The following DLC1 variants were observed in gnomAD, a reference collection of about 807,000 sequenced individuals.
DLC1 encodes the protein DLC1 Rho GTPase activating protein.
In DLC1, 54 loss-of-function variants were observed where a neutral mutation model predicts 140.3. The ratio of observed to expected loss-of-function variants is 0.38; its 90% CI spans 0.31 to 0.48. The LOEUF (loss-of-function observed/expected upper bound fraction) is 0.48, where lower values mean the gene tolerates loss of function less well. Ranked by LOEUF, DLC1 falls within the 20% of genes least tolerant of loss-of-function variation. The pLI is 0.96. For missense variants in DLC1, 2,536 were observed against 1,907.0 expected (o/e 1.33, Z -6.14); for synonymous variants, 986 against 728.1 (o/e 1.35, Z -5.70).
intron 1 of DLC1, among the ~76,000 whole-genome samples, chr8:13,548,600 C>A (rs940081250): frequency 6.6e-6 from 1 of 151,972 alleles, no homozygotes; most frequent in African/African-American, 2.4e-5. Flanking sequence ...AGAGGTGGGA[C>A]CTTTAATAGA....
At chr8:13,153,644 G>C (rs1158833941) in intron 5 of DLC1, among the ~76,000 whole-genome samples, 1 of 152,156 alleles carries the variant, frequency 6.6e-6, no homozygotes, top group Non-Finnish European at 1.5e-5. Context: ...CAATCCCTGA[G>C]CTAGACACAG....
At chr8:13,233,641 A>C (rs192809673) in intron 5 of DLC1, among the ~76,000 whole-genome samples, 1 of 152,352 alleles carries the variant, frequency 6.6e-6, no homozygotes, top group South Asian at 2.1e-4. Flanking sequence ...ATCATAGTCA[A>C]TATGTACCAC....
At chr8:13,355,257 A>T (rs1396779379) in intron 4 of DLC1, among the ~76,000 whole-genome samples, 3 of 152,158 alleles carry the variant, frequency 2.0e-5, no homozygotes, top group Non-Finnish European at 4.4e-5. Context: ...GGGCTAAGGC[A>T]GGTGGCTCAC....
intron 5 of DLC1, among the ~76,000 whole-genome samples, chr8:13,181,561 C>T (rs1160572509): frequency 8.9e-5 from 13 of 146,780 alleles, no homozygotes; most frequent in African/African-American, 3.0e-4. Flanking sequence ...TGTTCAATTC[C>T]CACCTATGAG....
At chr8:13,240,612 T>C (rs1228080725) in intron 5 of DLC1, among the ~76,000 whole-genome samples, 1 of 152,048 alleles carries the variant, frequency 6.6e-6, no homozygotes, top group Non-Finnish European at 1.5e-5. Flanking sequence ...TTTTTGATTT[T>C]TGTAGAGATG....
At chr8:13,153,467 A>T (rs1206882452) in intron 5 of DLC1, among the ~76,000 whole-genome samples, 1 of 152,184 alleles carries the variant, frequency 6.6e-6, no homozygotes, top group Non-Finnish European at 1.5e-5. Context: ...GAAACTTAAA[A>T]ACACCAAAGC....
At chr8:13,414,418 C>T (rs867984173) in intron 2 of DLC1, among the ~76,000 whole-genome samples, 1 of 152,160 alleles carries the variant, frequency 6.6e-6, no homozygotes. Context: ...TTGTGACCAT[C>T]ACTCTCAATA....
chr8:13,391,107 T>C (rs1214921184), intron 4 of DLC1, among the ~76,000 whole-genome samples: 1 of 152,238 alleles, frequency 6.6e-6, no homozygotes, highest in African/African-American at 2.4e-5. Context: ...TATTTCTTTC[T>C]GGGTACTCTT....
At chr8:13,579,361 A>ATATT (rs1236395843) in intron 1 of DLC1, among the ~76,000 whole-genome samples, 1 of 25,484 alleles carries the variant, frequency 3.9e-5, no homozygotes, top group African/African-American at 2.2e-4. Flanking sequence ...ATATATATAT[A>ATATT]TTTTTATATA....
intron 5 of DLC1, among the ~76,000 whole-genome samples, chr8:13,290,091 A>G (rs79163612): frequency 0.026 from 4,030 of 152,282 alleles, 78 homozygotes; most frequent in African/African-American, 0.051. Context: ...GCAATAATAC[A>G]TATTCAAAAA....
At chr8:13,527,653 T>A (rs968596315) in intron 1 of DLC1, among the ~76,000 whole-genome samples, 5 of 152,146 alleles carry the variant, frequency 3.3e-5, no homozygotes, top group Admixed American at 6.6e-5. Flanking sequence ...TGGCCAATCA[T>A]ATTGTTATTT....
chr8:13,319,819 C>CTTTTTTTTTTTTTT lies in DLC1; in HGVS notation c.1315-14518_1315-14517insAAAAAAAAAAAAAA, dbSNP rs547737556. On this transcript the variant is annotated intron_variant, in intron 4 of 17. Coordinates refer to ENST00000276297, the MANE Select transcript of DLC1 (RefSeq NM_182643.3). ...CCAACCATTGTTTAATTCTCTCTCTCTCTTTTTTTTTTTTTTTTTTTGAGA... is the reference window on the plus strand; with the variant it reads ...CCAACCATTGTTTAATTCTCTCTCTCTTTTTTTTTTTTTTTCTTTTTTTTTTTTTTTTTTTGAGA... 9.7e-4 allele frequency among the ~76,000 whole-genome samples: 74 copies of CTTTTTTTTTTTTTT among 76,138 alleles called. 2 individuals are homozygous for CTTTTTTTTTTTTTT. Among genetic ancestry groups the CTTTTTTTTTTTTTT allele is most frequent in the Admixed American group, 1.1e-3 (5 of 4,486 alleles). 49.9% of individuals were successfully genotyped at this position (76,138 alleles called of 152,430 possible).
chr8:13,383,474 A>G (rs753164849), intron 4 of DLC1, among the ~76,000 whole-genome samples: 3 of 152,156 alleles, frequency 2.0e-5, no homozygotes, highest in Admixed American at 6.6e-5. Context: ...CAAAATCTTG[A>G]ACTTTGAACA....
intron 5 of DLC1, among the ~76,000 whole-genome samples, chr8:13,210,006 A>C (rs1827862403): frequency 6.6e-6 from 1 of 152,054 alleles, no homozygotes; most frequent in Non-Finnish European, 1.5e-5. Context: ...ATCAGTTATG[A>C]CCTTTGAAAT....
Position 13,099,785 on chromosome 8 carries a change from A to T in DLC1, c.2552T>A (p.Leu851His). 6.2e-7 allele frequency: 1 copy of T among 1,613,974 alleles called. No individual in the cohort carries two copies. Among genetic ancestry groups the T allele is most frequent in the Non-Finnish European group, 8.5e-7 (1 of 1,180,004 alleles). ...GCTGTCGCTACTGTTTTCCCTCCTG[A>T]GGCTGATGTGGCCAGGGCCGTGGAA... ...GSFHGPGHIS[L>H]RRENSSDSPK... The change falls in exon 9 of 18, where the codon CTC becomes CAC. Residue 851 changes from leucine (L) to histidine (H), a missense_variant. Coordinates refer to ENST00000276297, the MANE Select transcript of DLC1 (RefSeq NM_182643.3).
Position 13,546,401 on chromosome 8 carries a change from A to G in DLC1, c.-125-46205T>C, listed in dbSNP as rs138446372. ...ATGATGAAATATTTTAGAACCCTTT[A>G]AAAAGCCATAACAGGATTGGATTGC... is the stretch of plus-strand genomic sequence containing the variant. On this transcript the variant is annotated intron_variant, in intron 1 of 1. Coordinates refer to the DLC1 transcript ENST00000631382. 1.7e-3 allele frequency among the ~76,000 whole-genome samples: 257 copies of G among 152,282 alleles called. 1 individual carries two copies. The highest frequency in any genetic ancestry group is 6.0e-3 in the African/African-American group (248 of 41,574).
intron 4 of DLC1, among the ~76,000 whole-genome samples, chr8:13,314,487 C>G (rs1235484011): frequency 6.6e-6 from 1 of 151,870 alleles, no homozygotes; most frequent in African/African-American, 2.4e-5. Context: ...TTCACTTAGT[C>G]TCTTAGAAAG....
intron 5 of DLC1, among the ~76,000 whole-genome samples, chr8:13,277,788 C>A (rs944272829): frequency 2.0e-5 from 3 of 152,024 alleles, no homozygotes; most frequent in Admixed American, 1.3e-4. Flanking sequence ...CAGTTCATAA[C>A]CTTTGCAAGA....
At chr8:13,518,882 G>A (rs1802677593), upstream of DLC1, among the ~76,000 whole-genome samples, 1 of 151,962 alleles carries the variant, frequency 6.6e-6, no homozygotes, top group Non-Finnish European at 1.5e-5. Context: ...TGAAGTTACT[G>A]TATTGGAAAC....
Sources: allele counts gnomAD v4.1 joint callset (sites outside exome capture counted in the v4.1 genomes callset), GRCh38; gene constraint gnomAD v4.1.1; transcripts MANE v1.5; gene names NCBI Gene and HGNC (gene_info 2026-07-23, HGNC 2026-07-21).